The following OAS2 variants were observed in gnomAD, a reference collection of about 807,000 sequenced individuals.
OAS2 encodes the protein 2'-5'-oligoadenylate synthetase 2, also known as 2'-5'-oligoadenylate synthase 2.
Under a neutral mutation model 71.3 loss-of-function variants are expected in OAS2, and 67 were observed. The ratio of observed to expected loss-of-function variants is 0.94; its 90% CI spans 0.77 to 1.15. OAS2 has a LOEUF of 1.15. Ranked by LOEUF, OAS2 falls within the 50% of genes most tolerant of loss-of-function variation. The pLI, the probability that OAS2 is intolerant of heterozygous loss-of-function variation, is 0.00. For synonymous variants in OAS2, 327 were observed against 321.8 expected (o/e 1.02, Z -0.17); for missense variants, 789 against 822.5 (o/e 0.96, Z 0.50).
chr12:112,979,835 T>C (rs925670047), intron 1 of OAS2, among the ~76,000 whole-genome samples: 1 of 152,136 alleles, frequency 6.6e-6, no homozygotes, highest in Non-Finnish European at 1.5e-5. Context: ...GTTTTGCCTG[T>C]TTTTAAACGT....
Position 112,987,186 on chromosome 12 carries a change from T to C in OAS2, c.326T>C (p.Leu109Pro). The change falls in exon 2 of 10, where the codon CTG becomes CCG. Residue 109 changes from leucine to proline, a missense_variant. Coordinates refer to ENST00000392583, the MANE Select transcript of OAS2 (RefSeq NM_002535.3). ...DKTGDKLKFC[L>P]FTKWLKNNFE... ...ACTGGGGATAAGCTGAAGTTCTGTC[T>C]GTTCACGAAGTGGTTGAAAAACAAT... is the stretch of plus-strand genomic sequence containing the variant. The C allele has an allele frequency of 2.5e-6, 4 of 1,614,208 alleles. No homozygotes were observed. Among genetic ancestry groups the C allele is most frequent in the Non-Finnish European group, 3.4e-6 (4 of 1,180,024 alleles).
At chr12:113,001,539 T>C (rs1187271062) in intron 5 of OAS2, among the ~76,000 whole-genome samples, 1 of 149,760 alleles carries the variant, frequency 6.7e-6, no homozygotes, top group Non-Finnish European at 1.5e-5. Context: ...TATATATACA[T>C]ATATATGCTT....
In OAS2 at chr12:112,995,472, C is replaced by A. The variant is rs2044225852; in HGVS notation, c.625C>A (p.Gln209Lys). Residue 209 changes from glutamine (Q) to lysine (K), a missense_variant and splice_region_variant, in exon 3 of 10, where the codon CAG becomes AAG. Gln to Lys is a moderately conservative substitution (Grantham distance 53, BLOSUM62 1). Coordinates refer to ENST00000392583, the MANE Select transcript of OAS2 (RefSeq NM_002535.3). ...LILLIKHWHQ[Q>K]CQKKIKDLPS... The stretch of plus-strand genomic sequence containing the variant: ...CCTCTTGATAAAGCACTGGCATCAA[C>A]AGGTAATTTTCCAACTGTCTATATA... 1 of 1,611,426 alleles carries A rather than the reference C, an allele frequency of 6.2e-7. No individual in the cohort carries two copies. The highest frequency in any genetic ancestry group is 1.7e-5 in the Admixed American group (1 of 59,280).
chr12:112,999,061 G>C (rs1485089512), intron 5 of OAS2, among the ~76,000 whole-genome samples: 1 of 152,214 alleles, frequency 6.6e-6, no homozygotes, highest in Non-Finnish European at 1.5e-5. Flanking sequence ...GAGAAAGCTG[G>C]TGAGCAGGTG....
Position 113,009,683 on chromosome 12 carries a change from C to T in OAS2, c.*428C>T. The T allele has an allele frequency of 1.0e-6, 1 of 989,430 alleles. No individual in the cohort carries two copies. The highest frequency in any genetic ancestry group is 4.7e-5 in the South Asian group (1 of 21,416). The allele number at this position is 989,430 out of a possible 1,614,324, so 61.3% of individuals were successfully genotyped here. ...TCCAAGCAGGAAGAAGGAAAAGATA[C>T]CCAAAGGTCAAGAACACAGTGATTT... On this transcript the variant is annotated 3_prime_UTR_variant, in exon 10 of 10. Transcript: ENST00000392583.
At position 113,009,932 on chromosome 12, in the gene OAS2, C is replaced by A. The variant is rs1377550703; in HGVS notation, c.*677C>A. ...TCCAGATATACTTGGTTCTCTCCAC[C>A]AGGTTCTTTCTTTAAAGCAGGATTT... On this transcript the variant is annotated 3_prime_UTR_variant, in exon 10 of 10. Transcript: ENST00000392583. 7.0e-5 allele frequency: 69 copies of A among 987,476 alleles called. No homozygotes were observed. Among genetic ancestry groups the A allele is most frequent in the Non-Finnish European group, 8.3e-5 (69 of 831,586 alleles). 61.2% of individuals were successfully genotyped at this position (987,476 alleles called of 1,614,324 possible). A position where few individuals can be genotyped will look rare whatever the true frequency, so the allele number is the denominator to read the frequency against.
At chr12:113,004,913 C>A in intron 6 of OAS2, 21 bp from the exon 7 acceptor site, 1 of 1,610,140 alleles carries the variant, frequency 6.2e-7, no homozygotes, top group South Asian at 1.1e-5. Context: ...TTCTGGATCT[C>A]AACCTTCCTT....
intron 6 of OAS2, among the ~76,000 whole-genome samples, chr12:113,003,339 G>A (rs913352587): frequency 2.6e-5 from 4 of 152,124 alleles, no homozygotes; most frequent in Non-Finnish European, 5.9e-5. Flanking sequence ...GCTGTTGGCC[G>A]TCCTTGGGGC....
intron 2 of OAS2, chr12:112,987,638 G>A: frequency 8.5e-7 from 1 of 1,182,760 alleles, no homozygotes; most frequent in Non-Finnish European, 1.0e-6. Context: ...TAGAGCCCAG[G>A]ATTTCATATT....
intron 2 of OAS2, among the ~76,000 whole-genome samples, chr12:112,988,981 G>A (rs61941179): frequency 1.2e-3 from 177 of 152,292 alleles, no homozygotes; most frequent in Admixed American, 1.9e-3. Context: ...CCATGACACA[G>A]CCTCAGGAAG....
Position 113,009,262 on chromosome 12 carries a change from CGTT to C in OAS2, c.*10_*12del. 6 of 1,612,922 alleles carry C rather than the reference CGTT, an allele frequency of 3.7e-6. No individual in the cohort carries two copies. Among genetic ancestry groups the C allele is most frequent in the Non-Finnish European group, 5.1e-6 (6 of 1,179,384 alleles). On this transcript the variant is annotated 3_prime_UTR_variant, in exon 10 of 10. Transcript: ENST00000392583. Reference sequence around the variant, plus strand: ...GCCGGTAAAAGTCATCTAAAGGAGGCGTTGTCTGGAAATAGCCCTGTAACAGGC... The same window carrying C: ...GCCGGTAAAAGTCATCTAAAGGAGGCGTCTGGAAATAGCCCTGTAACAGGC...
intron 8 of OAS2, among the ~76,000 whole-genome samples, chr12:113,007,174 G>C (rs1313122644): frequency 6.6e-6 from 1 of 152,168 alleles, no homozygotes; most frequent in Non-Finnish European, 1.5e-5. Flanking sequence ...CCTCATGACA[G>C]TAAACATCAA....
chr12:113,002,831 G>A, intron 5 of OAS2, 101 bp from the exon 6 acceptor site: 5 of 1,008,860 alleles, frequency 5.0e-6, no homozygotes, highest in South Asian at 4.6e-5. Context: ...CAGGAGGGCA[G>A]TTGGGAGAGG....
intron 2 of OAS2, among the ~76,000 whole-genome samples, chr12:112,994,102 C>T (rs1345764145): frequency 6.6e-6 from 1 of 152,168 alleles, no homozygotes; most frequent in Non-Finnish European, 1.5e-5. Flanking sequence ...TATCAAAGAA[C>T]TGAAACTCAC....
intron 5 of OAS2, among the ~76,000 whole-genome samples, chr12:112,998,749 G>A (rs1565994965): frequency 6.6e-6 from 1 of 152,056 alleles, no homozygotes; most frequent in Non-Finnish European, 1.5e-5. Flanking sequence ...CTCCCTACAT[G>A]TCTTCACATC....
chr12:112,984,362 C>G (rs1038482572), intron 1 of OAS2, among the ~76,000 whole-genome samples: 1 of 152,124 alleles, frequency 6.6e-6, no homozygotes, highest in East Asian at 1.9e-4. Context: ...TTAAAGTCTA[C>G]TCTGTCTGAT....
At chr12:112,993,469 T>C (rs760352655) in intron 2 of OAS2, among the ~76,000 whole-genome samples, 1 of 152,220 alleles carries the variant, frequency 6.6e-6, no homozygotes, top group African/African-American at 2.4e-5. Context: ...GATAGAATGC[T>C]CTTTCCGTCA....
At chr12:112,982,475 C>T (rs1213374764) in intron 1 of OAS2, among the ~76,000 whole-genome samples, 1 of 152,262 alleles carries the variant, frequency 6.6e-6, no homozygotes, top group African/African-American at 2.4e-5. Flanking sequence ...AAATGTTCAA[C>T]ATTTGTTGAC....
intron 1 of OAS2, among the ~76,000 whole-genome samples, chr12:112,982,219 T>C (rs1389880909): frequency 6.6e-6 from 1 of 152,204 alleles, no homozygotes; most frequent in African/African-American, 2.4e-5. Flanking sequence ...TGCCTTTTAT[T>C]TCTTTATCTT....
Sources: gnomAD v4.1 joint callset for allele counts (sites outside exome capture counted in the v4.1 genomes callset) on GRCh38, gnomAD v4.1.1 for gene constraint, MANE v1.5 for transcripts, NCBI Gene and HGNC (gene_info 2026-07-23, HGNC 2026-07-21) for gene names.